F2RL1: variants seen among roughly 807,000 people sequenced by gnomAD.
F2RL1 encodes proteinase-activated receptor 2.
In F2RL1, 16 loss-of-function variants were observed where a neutral mutation model predicts 21.7. That is an observed-to-expected ratio of 0.74 (90% CI 0.50 to 1.12). The LOEUF (loss-of-function observed/expected upper bound fraction) is 1.12, where lower values mean the gene tolerates loss of function less well. F2RL1 is among the 50% of genes most tolerant of loss of function. The pLI, the probability that F2RL1 is intolerant of heterozygous loss-of-function variation, is 0.00. For missense variants in F2RL1, 432 were observed against 477.8 expected (o/e 0.90, Z 0.89); for synonymous variants, 181 against 186.7 (o/e 0.97, Z 0.25).
intron 1 of F2RL1, among the ~76,000 whole-genome samples, chr5:76,826,640 G>C (rs2243037): frequency 0.01 from 1,554 of 151,018 alleles, 27 homozygotes; most frequent in Middle Eastern, 0.038. Flanking sequence ...TGAGTAGTTG[G>C]GACTGTGGGC....
intron 1 of F2RL1, among the ~76,000 whole-genome samples, chr5:76,827,325 C>CAAAAAAAAA (rs764040748): frequency 2.9e-3 from 253 of 87,044 alleles, no homozygotes; most frequent in Non-Finnish European, 3.3e-3. Flanking sequence ...ACTAAAAATA[C>CAAAAAAAAA]AAAAAAAAAA....
At chr5:76,828,251 G>A (rs528434803) in intron 1 of F2RL1, among the ~76,000 whole-genome samples, 1 of 152,212 alleles carries the variant, frequency 6.6e-6, no homozygotes, top group East Asian at 1.9e-4. Context: ...TTAGAGGTGT[G>A]AGCTACTCTG....
intron 1 of F2RL1, among the ~76,000 whole-genome samples, chr5:76,819,973 A>G (rs1243300724): frequency 6.6e-6 from 1 of 152,088 alleles, no homozygotes; most frequent in Non-Finnish European, 1.5e-5. Flanking sequence ...GGGCGCCACG[A>G]GGATTTACGA....
intron 1 of F2RL1, among the ~76,000 whole-genome samples, chr5:76,828,268 C>T (rs1329066146): frequency 6.6e-5 from 10 of 152,110 alleles, no homozygotes; most frequent in African/African-American, 2.2e-4. Flanking sequence ...TCTGCCCAGC[C>T]GTGCACCAGT....
rs183631088 is a variant in F2RL1 at position 76,821,100 on chromosome 5, C to T, written c.82+1836C>T. Among the ~76,000 whole-genome samples, 270 of 152,218 alleles carry T rather than the reference C, an allele frequency of 1.8e-3. 1 individual carries two copies. The highest frequency in any genetic ancestry group is 3.4e-3 in the Middle Eastern group (1 of 294). On this transcript the variant is annotated intron_variant, in intron 1 of 1. Coordinates refer to ENST00000296677, the MANE Select transcript of F2RL1 (RefSeq NM_005242.6). ...GCCGATTTGGGGTTTGATTTTCTTC[C>T]CAAAGCCTCACTCCAAAAGACTGCC...
rs766406305 is a variant in F2RL1, at chr5:76,819,168, G to C, written c.-15G>C. The C allele has an allele frequency of 7.1e-5, 111 of 1,569,394 alleles. No individual in the cohort carries two copies. Among genetic ancestry groups the C allele is most frequent in the Non-Finnish European group, 9.1e-5 (106 of 1,166,906 alleles). On this transcript the variant is annotated 5_prime_UTR_variant, in exon 1 of 2. Coordinates refer to ENST00000296677, the MANE Select transcript of F2RL1 (RefSeq NM_005242.6). ...GCGGATTCCCCGCGCGCCCGGCGTCGGGGCTTCCAGGAGGATGCGGAGCCC... is the reference window on the plus strand; with the variant it reads ...GCGGATTCCCCGCGCGCCCGGCGTCCGGGCTTCCAGGAGGATGCGGAGCCC...
intron 1 of F2RL1, among the ~76,000 whole-genome samples, chr5:76,827,627 C>G (rs1213038265): frequency 2.9e-5 from 3 of 103,748 alleles, no homozygotes; most frequent in African/African-American, 1.2e-4. Flanking sequence ...TTTTTTGAGA[C>G]GGAGTCATGC....
chr5:76,819,578 A>G (rs1750090802), intron 1 of F2RL1, among the ~76,000 whole-genome samples: 1 of 152,054 alleles, frequency 6.6e-6, no homozygotes, highest in Non-Finnish European at 1.5e-5. Flanking sequence ...GGGGAAAGGG[A>G]GGGAAGGAAG....
At chr5:76,824,157 A>ACCCC (rs1431155066) in intron 1 of F2RL1, among the ~76,000 whole-genome samples, 11 of 52,318 alleles carry the variant, frequency 2.1e-4, no homozygotes, top group African/African-American at 4.1e-4. Context: ...CCTCCCCACC[A>ACCCC]CACCCCCCCC....
In F2RL1 at chr5:76,825,004, A is replaced by ATTT. The variant is rs555152159; in HGVS notation, c.82+5759_82+5761dup. ...CAGATTTTGCAAATTGTACATTATA[A>ATTT]TTTTTTTTTTTTTTTTTTTTTGAGA... On this transcript the variant is annotated intron_variant, in intron 1 of 1. Coordinates refer to ENST00000296677, the MANE Select transcript of F2RL1 (RefSeq NM_005242.6). Among the ~76,000 whole-genome samples, 56 of 129,888 alleles carry ATTT rather than the reference A, an allele frequency of 4.3e-4. 3 individuals carry two copies. The highest frequency in any genetic ancestry group is 1.0e-3 in the African/African-American group (36 of 34,436). 85.2% of individuals were successfully genotyped at this position (129,888 alleles called of 152,430 possible).
chr5:76,830,331 G>A (rs924952010), intron 1 of F2RL1, among the ~76,000 whole-genome samples: 2 of 152,182 alleles, frequency 1.3e-5, no homozygotes, highest in Admixed American at 6.5e-5. Context: ...AGGCTGGAGT[G>A]CAGTGGCGCA....
At chr5:76,831,953 C>T (rs1160651612) in intron 1 of F2RL1, among the ~76,000 whole-genome samples, 1 of 151,282 alleles carries the variant, frequency 6.6e-6, no homozygotes, top group Non-Finnish European at 1.5e-5. Context: ...ATGGGAGGAT[C>T]ACTTGAAGCC....
intron 1 of F2RL1, among the ~76,000 whole-genome samples, chr5:76,830,929 G>A (rs981856074): frequency 2.0e-5 from 3 of 152,148 alleles, no homozygotes; most frequent in African/African-American, 7.2e-5. Flanking sequence ...AAGAGCATGA[G>A]TAGGTTTAAT....
At position 76,832,917 on chromosome 5, in the gene F2RL1, A is replaced by G. The variant is rs1027039178; in HGVS notation, c.310A>G (p.Thr104Ala). The G allele has an allele frequency of 2.5e-6, 4 of 1,614,092 alleles. No individual in the cohort carries two copies. The Admixed American group carries it at 5.0e-5, about 20-fold the overall frequency. ...GGCCCTGTGGGTCTTTCTTTTCCGA[A>G]CTAAGAAGAAGCACCCTGCTGTGAT... ...GMALWVFLFR[T>A]KKKHPAVIYM... is the part of the protein sequence containing the mutation. The change falls in exon 2 of 2, where the codon ACT becomes GCT. Residue 104 changes from threonine (T) to alanine (A), a missense_variant. Coordinates refer to ENST00000296677, the MANE Select transcript of F2RL1 (RefSeq NM_005242.6).
chr5:76,829,873 A>T (rs1429902475), intron 1 of F2RL1, among the ~76,000 whole-genome samples: 1 of 152,200 alleles, frequency 6.6e-6, no homozygotes, highest in Admixed American at 6.5e-5. Context: ...ATATTTGAAG[A>T]ACACTGTAAT....
chr5:76,829,420 T>A (rs1750308978), intron 1 of F2RL1, among the ~76,000 whole-genome samples: 1 of 152,134 alleles, frequency 6.6e-6, no homozygotes, highest in African/African-American at 2.4e-5. Context: ...TTTTGCCTTA[T>A]AATTTATATT....
Position 76,835,051 on chromosome 5 carries a change from C to T in F2RL1, c.*1250C>T, listed in dbSNP as rs1005244021. ...TAGTCTGAGTAATAGATTGTTTTGC[C>T]ACTTAGAATAGCATTTGCCACTTAG... On this transcript the variant is annotated 3_prime_UTR_variant, in exon 2 of 2. Coordinates refer to ENST00000296677, the MANE Select transcript of F2RL1 (RefSeq NM_005242.6). 1 of 152,218 alleles carries T rather than the reference C, an allele frequency of 6.6e-6. No individual in the cohort carries two copies. The highest frequency in any genetic ancestry group is 1.5e-5 in the Non-Finnish European group (1 of 68,022). 9.4% of individuals were successfully genotyped at this position (152,218 alleles called of 1,614,324 possible).
chr5:76,828,541 A>G (rs1386583008), intron 1 of F2RL1, among the ~76,000 whole-genome samples: 1 of 148,242 alleles, frequency 6.7e-6, no homozygotes, highest in Non-Finnish European at 1.5e-5. Flanking sequence ...CCCAGAGTGG[A>G]GTGCAGTGGC....
Position 76,833,211 on chromosome 5 carries a change from A to T in F2RL1, c.604A>T (p.Ile202Phe). The change falls in exon 2 of 2, where the codon ATT (isoleucine) becomes TTT (phenylalanine). Residue 202 changes from isoleucine to phenylalanine, a missense_variant. Physicochemically the swap from Ile to Phe is conservative, Grantham distance 21. Coordinates refer to ENST00000296677, the MANE Select transcript of F2RL1 (RefSeq NM_005242.6). ...CATCTCCCTGGCAATATGGCTGCTG[A>T]TTCTGCTGGTCACCATTCCTTTGTA... Reference protein sequence around the residue: ...IGISLAIWLLILLVTIPLYVV... With the variant: ...IGISLAIWLLFLLVTIPLYVV... 6.2e-7 allele frequency: 1 copy of T among 1,613,888 alleles called. No individual in the cohort carries two copies. Among genetic ancestry groups the T allele is most frequent in the Non-Finnish European group, 8.5e-7 (1 of 1,179,940 alleles).
Sources: gnomAD v4.1 joint callset for allele counts (sites outside exome capture counted in the v4.1 genomes callset) on GRCh38, gnomAD v4.1.1 for gene constraint, MANE v1.5 for transcripts, NCBI Gene and HGNC (gene_info 2026-07-23, HGNC 2026-07-21) for gene names.